Variants in GLB1L2 observed in about 807,000 individuals in gnomAD.
GLB1L2 encodes the protein beta-galactosidase-1-like protein 2.
A neutral mutation model predicts 84.1 loss-of-function variants in GLB1L2; 68 were observed. The observed-to-expected ratio is 0.81, with a 90% CI of 0.67 to 0.99. The LOEUF is 0.99. Ranked by LOEUF, GLB1L2 falls within the 50% of genes least tolerant of loss-of-function variation. GLB1L2 has a pLI of 0.00. For synonymous variants in GLB1L2, 290 were observed against 318.0 expected (o/e 0.91, Z 0.94); for missense variants, 762 against 805.6 (o/e 0.95, Z 0.66).
In GLB1L2 at chr11:134,371,088, CTA is replaced by C. The variant is rs775729728; in HGVS notation, c.1298_1299del (p.Tyr433Ter). 112 of 1,614,088 alleles carry C rather than the reference CTA, an allele frequency of 6.9e-5. No homozygotes were observed. The highest frequency in any genetic ancestry group is 9.2e-5 in the Non-Finnish European group (109 of 1,180,036). ...ATGGACAGTCCTTCGGGTACATTCT[CTA>C]TGAGACCAGCATCACCTCGTCTGGC... ...GNGQSFGYIL[Y>X]ETSITSSGIL... On this transcript the variant is annotated frameshift_variant, in exon 13 of 19. Transcript: ENST00000535456. LOFTEE classifies it high-confidence loss of function.
chr11:134,345,450 T>C (rs1321235874), intron 4 of GLB1L2, among the ~76,000 whole-genome samples: 2 of 152,316 alleles, frequency 1.3e-5, no homozygotes, highest in African/African-American at 4.8e-5. Flanking sequence ...GTCTGCAGTA[T>C]GGGAAAAATC....
At chr11:134,368,031 A>G (rs1008547362) in intron 9 of GLB1L2, among the ~76,000 whole-genome samples, 36 of 152,284 alleles carry the variant, frequency 2.4e-4, no homozygotes, top group Admixed American at 2.4e-3. Flanking sequence ...CAGCCCCCGG[A>G]AAGACGGCAG....
intron 1 of GLB1L2, among the ~76,000 whole-genome samples, chr11:134,340,894 A>G (rs1453083464): frequency 6.6e-6 from 1 of 152,216 alleles, no homozygotes; most frequent in African/African-American, 2.4e-5. Context: ...CTCAGCTTGC[A>G]GGCTGCACAA....
At chr11:134,356,004 T>A in intron 5 of GLB1L2, 1 of 545,018 alleles carries the variant, frequency 1.8e-6, no homozygotes, top group Non-Finnish European at 3.5e-6. Flanking sequence ...CATACAATTT[T>A]GTACCATTTT....
chr11:134,343,151 C>G (rs958781138), intron 2 of GLB1L2, among the ~76,000 whole-genome samples, 200 bp downstream of exon 2: 6 of 152,098 alleles, frequency 3.9e-5, no homozygotes, highest in Admixed American at 1.3e-4. Flanking sequence ...CTAGAGGAAC[C>G]GCAGTAGCAA....
At chr11:134,354,348 A>G (rs918456425) in intron 5 of GLB1L2, among the ~76,000 whole-genome samples, 1 of 152,230 alleles carries the variant, frequency 6.6e-6, no homozygotes, top group African/African-American at 2.4e-5. Context: ...TATTGGGTGT[A>G]CCCATTAACT....
intron 7 of GLB1L2, among the ~76,000 whole-genome samples, chr11:134,362,445 C>T (rs995532528): frequency 6.6e-6 from 1 of 152,224 alleles, no homozygotes; most frequent in East Asian, 1.9e-4. Flanking sequence ...AGGAAAGAGG[C>T]TCTCGGCTGC....
chr11:134,371,703 G>C, intron 14 of GLB1L2, 49 bp from the exon 15 acceptor site: 2 of 1,580,526 alleles, frequency 1.3e-6, no homozygotes, highest in Non-Finnish European at 1.7e-6. Context: ...AATTCTGAGG[G>C]GCAGCTGTGG....
intron 8 of GLB1L2, 155 bp from the exon 9 acceptor site, chr11:134,367,102 C>T: frequency 2.9e-6 from 2 of 700,026 alleles, no homozygotes; most frequent in South Asian, 3.4e-5. Context: ...ATTTGGCCCT[C>T]ACCTATGCCC....
chr11:134,336,527 A>G (rs1027436054), intron 1 of GLB1L2, among the ~76,000 whole-genome samples: 3 of 152,234 alleles, frequency 2.0e-5, no homozygotes, highest in Non-Finnish European at 4.4e-5. Flanking sequence ...CTGTAAACAA[A>G]GCTGCTGCAG....
chr11:134,370,236 A>G lies in GLB1L2; in HGVS notation c.1109-57A>G. ...TGTGGATGGGAGCCGGGTGGGGAGG[A>G]CGAGCAGGCAGTGACATTTGGGTCC... On this transcript the variant is annotated intron_variant, in intron 11 of 18. Transcript: ENST00000535456. The surrounding 1 kb of genome is among the most constrained non-coding windows in gnomAD (Gnocchi z 4.7). 7.0e-7 allele frequency: 1 copy of G among 1,430,296 alleles called. No individual in the cohort carries two copies. The highest frequency in any genetic ancestry group is 9.9e-7 in the Non-Finnish European group (1 of 1,013,486). The allele number at this position is 1,430,296 out of a possible 1,614,324, so 88.6% of individuals were successfully genotyped here.
At chr11:134,353,313 G>A (rs1943657846) in intron 5 of GLB1L2, among the ~76,000 whole-genome samples, 1 of 152,142 alleles carries the variant, frequency 6.6e-6, no homozygotes, top group South Asian at 2.1e-4. Context: ...GGGAGGCTGA[G>A]GCACAAGAAT....
chr11:134,334,263 C>G lies in GLB1L2; in HGVS notation c.86+2116C>G, dbSNP rs1009903181. ...TGGAGCCGAGCTGTCAGGAGCAGCC[C>G]CTTTCCTGTAGCAGAAGGCAGGTAT... is the stretch of plus-strand genomic sequence containing the variant. On this transcript the variant is annotated intron_variant, in intron 1 of 18. Coordinates refer to ENST00000535456, the MANE Select transcript of GLB1L2 (RefSeq NM_001370461.1). This position sits in a 1 kb window ranked among gnomAD's most constrained non-coding sequence, Gnocchi z 4.1. 2.6e-5 allele frequency among the ~76,000 whole-genome samples: 4 copies of G among 152,206 alleles called. No homozygotes were observed. The highest frequency in any genetic ancestry group is 9.6e-5 in the African/African-American group (4 of 41,526).
At chr11:134,342,567 T>C (rs866856737) in intron 1 of GLB1L2, among the ~76,000 whole-genome samples, 187 bp from the exon 2 acceptor site, 82 of 152,258 alleles carry the variant, frequency 5.4e-4, no homozygotes, top group African/African-American at 1.8e-3. Flanking sequence ...GCCCTTCCCC[T>C]GCCGCGGGGC....
intron 1 of GLB1L2, among the ~76,000 whole-genome samples, chr11:134,337,139 C>T (rs553701965): frequency 2.6e-5 from 4 of 152,304 alleles, no homozygotes; most frequent in East Asian, 1.9e-4. Context: ...ATATTGCTTC[C>T]GGGTCAGAGC....
At position 134,370,505 on chromosome 11, in the gene GLB1L2, G is replaced by T; in HGVS notation, c.1215+106G>T. On this transcript the variant is annotated intron_variant, in intron 12 of 18. Coordinates refer to ENST00000535456, the MANE Select transcript of GLB1L2 (RefSeq NM_001370461.1). This position sits in a 1 kb window ranked among gnomAD's most constrained non-coding sequence, Gnocchi z 4.7. Reference sequence around the variant, plus strand: ...CGTCGGCGGGAGGTGAGAGTCGTCGGGGCAGCAGGGCCTGGAGCCCCTCCA... The same window carrying T: ...CGTCGGCGGGAGGTGAGAGTCGTCGTGGCAGCAGGGCCTGGAGCCCCTCCA... The T allele has an allele frequency of 1.2e-6, 1 of 825,320 alleles. No individual in the cohort carries two copies. Among genetic ancestry groups the T allele is most frequent in the East Asian group, 2.6e-5 (1 of 39,096 alleles). 51.1% of individuals were successfully genotyped at this position (825,320 alleles called of 1,614,324 possible).
intron 1 of GLB1L2, among the ~76,000 whole-genome samples, chr11:134,332,370 C>A (rs1273004292): frequency 6.6e-6 from 1 of 152,084 alleles, no homozygotes; most frequent in Non-Finnish European, 1.5e-5. Flanking sequence ...GGCGTGCCCT[C>A]GGGAGCCGGC....
chr11:134,374,330 G>A (rs1359598591), intron 17 of GLB1L2, 74 bp downstream of exon 17: 5 of 1,228,336 alleles, frequency 4.1e-6, no homozygotes, highest in East Asian at 2.3e-5. Context: ...CCAAAGCCAC[G>A]AGCTTGGCGA....
At chr11:134,356,133 G>T in intron 5 of GLB1L2, 168 bp from the exon 6 acceptor site, 29 of 712,908 alleles carry the variant, frequency 4.1e-5, no homozygotes, top group African/African-American at 5.2e-5. Context: ...ATGTTTTCAT[G>T]GGAGAACAAG....
Sources: gnomAD v4.1 joint callset for allele counts (sites outside exome capture counted in the v4.1 genomes callset) on GRCh38, gnomAD v4.1.1 for gene constraint, Gnocchi (gnomAD v3.1) non-coding constraint, MANE v1.5 for transcripts, NCBI Gene and HGNC (gene_info 2026-07-23, HGNC 2026-07-21) for gene names.